ASCC3: variants seen among roughly 807,000 people sequenced by gnomAD.
The protein encoded by ASCC3 is activating signal cointegrator 1 complex subunit 3.
ASCC3 carries 158 observed loss-of-function variants against 256.3 expected under a neutral mutation model. That is an observed-to-expected ratio of 0.62 (90% CI 0.54 to 0.70). ASCC3 has a LOEUF of 0.70. ASCC3 is among the 30% of genes least tolerant of loss of function. The pLI is 0.00. For synonymous variants in ASCC3, 948 were observed against 883.4 expected (o/e 1.07, Z -1.30); for missense variants, 2,259 against 2,626.0 (o/e 0.86, Z 3.05).
rs978557564 is a variant in ASCC3 at position 100,851,613 on chromosome 6, C to T, written c.242-2906G>A. On this transcript the variant is annotated intron_variant, in intron 3 of 41. Transcript: ENST00000369162. ...TCTATAATTTCAAAAATCACAAATACTTAAAAAAATTTAAACCTTGCTGGG... is the reference window on the plus strand; with the variant it reads ...TCTATAATTTCAAAAATCACAAATATTTAAAAAAATTTAAACCTTGCTGGG... Among the ~76,000 whole-genome samples, 3 of 152,106 alleles carry T rather than the reference C, an allele frequency of 2.0e-5. No homozygotes were observed. In the East Asian group the frequency reaches 5.8e-4, roughly 29 times the overall value.
chr6:100,676,718 A>G (rs1777027421), intron 14 of ASCC3, among the ~76,000 whole-genome samples: 1 of 151,732 alleles, frequency 6.6e-6, no homozygotes, highest in South Asian at 2.1e-4. Flanking sequence ...TAGCCTTATT[A>G]CAAGCAAATG....
chr6:100,608,080 G>GTATATATCGATATACACATATATATGTA (rs1554200725), intron 30 of ASCC3, among the ~76,000 whole-genome samples: 1 of 84,868 alleles, frequency 1.2e-5, no homozygotes, highest in Non-Finnish European at 2.2e-5. Context: ...ACATATATAT[G>GTATATATCGATATACACATATATATGTA]TATATATATC....
intron 15 of ASCC3, 93 bp downstream of exon 15, chr6:100,662,252 A>G (rs1425656652): frequency 3.0e-6 from 4 of 1,331,356 alleles, no homozygotes; most frequent in Admixed American, 4.9e-5. Context: ...TCAAGGAAAC[A>G]GCCAAATCAC....
At chr6:100,880,839 T>A (rs1473191259) in intron 1 of ASCC3, among the ~76,000 whole-genome samples, 1 of 152,204 alleles carries the variant, frequency 6.6e-6, no homozygotes. Flanking sequence ...AAGTTTTCTA[T>A]CCCCAACCCC....
chr6:100,567,708 G>A (rs1770341539), intron 36 of ASCC3, among the ~76,000 whole-genome samples: 1 of 152,134 alleles, frequency 6.6e-6, no homozygotes, highest in Admixed American at 6.6e-5. Flanking sequence ...CTGCATCCAT[G>A]TTGTTGCAAA....
At position 100,674,563 on chromosome 6, in the gene ASCC3, A is replaced by G. The variant is rs1456699346; in HGVS notation, c.2286+5055T>C. 3.3e-5 allele frequency among the ~76,000 whole-genome samples: 5 copies of G among 151,524 alleles called. No homozygotes were observed. In the East Asian group the frequency reaches 9.7e-4, roughly 29 times the overall value. ...GTTATCTTCTTTCTCTTCAAAACTC[A>G]TGGGTAAACATTTACAGAATATCTA... is the stretch of plus-strand genomic sequence containing the variant. On this transcript the variant is annotated intron_variant, in intron 14 of 41. Transcript: ENST00000369162.
At position 100,589,918 on chromosome 6, in the gene ASCC3, T is replaced by C. The variant is rs756412285; in HGVS notation, c.5415+30A>G. ...CCTGTCAAAAAGCTGGGCAATCTTT[T>C]CAATTAGAATGCATATGACTAAGTC... is the stretch of plus-strand genomic sequence containing the variant. On this transcript the variant is annotated intron_variant, in intron 35 of 41. Coordinates refer to ENST00000369162, the MANE Select transcript of ASCC3 (RefSeq NM_006828.4). 3.8e-6 allele frequency: 6 copies of C among 1,598,964 alleles called. 1 individual carries two copies. The South Asian group carries it at 6.6e-5, about 18-fold the overall frequency.
intron 3 of ASCC3, 122 bp from the exon 4 acceptor site, chr6:100,848,829 C>T: frequency 1.0e-6 from 1 of 959,268 alleles, no homozygotes; most frequent in East Asian, 2.6e-5. Context: ...TAGCAATAGA[C>T]CAGGTGTAAT....
In ASCC3 at chr6:100,664,679, A is replaced by G. The variant is rs896844291; in HGVS notation, c.2287-2143T>C. ...CTTGGATCTCATTGCCTCAGCTTTC[A>G]TCTTTTCAGACAAGCAATATTGTTA... On this transcript the variant is annotated intron_variant, in intron 14 of 41. Coordinates refer to ENST00000369162, the MANE Select transcript of ASCC3 (RefSeq NM_006828.4). Among the ~76,000 whole-genome samples, 9 of 152,280 alleles carry G rather than the reference A, an allele frequency of 5.9e-5. No homozygotes were observed. The East Asian group carries it at 1.2e-3, about 20-fold the overall frequency.
intron 36 of ASCC3, among the ~76,000 whole-genome samples, chr6:100,585,194 C>T (rs1210570422): frequency 3.9e-5 from 6 of 152,208 alleles, no homozygotes; most frequent in Admixed American, 1.3e-4. Context: ...TGGTTCCATT[C>T]TCCCCGTCAT....
At chr6:100,729,663 T>G (rs1414667496) in intron 10 of ASCC3, among the ~76,000 whole-genome samples, 1 of 152,226 alleles carries the variant, frequency 6.6e-6, no homozygotes, top group African/African-American at 2.4e-5. Context: ...GATATCATAT[T>G]GAATTTTAAA....
intron 30 of ASCC3, among the ~76,000 whole-genome samples, chr6:100,613,350 C>T (rs2114830151): frequency 6.6e-6 from 1 of 152,026 alleles, no homozygotes; most frequent in South Asian, 2.1e-4. Context: ...GGTACATAGT[C>T]ACATGTATAC....
At chr6:100,632,245 C>A (rs148543021) in intron 25 of ASCC3, among the ~76,000 whole-genome samples, 17 of 141,298 alleles carry the variant, frequency 1.2e-4, no homozygotes, top group African/African-American at 4.4e-4. Context: ...GAATAAAGTA[C>A]TTAGGAATAA....
chr6:100,663,520 A>G (rs1458015389), intron 14 of ASCC3, among the ~76,000 whole-genome samples: 1 of 152,042 alleles, frequency 6.6e-6, no homozygotes, highest in Non-Finnish European at 1.5e-5. Context: ...AGTGTTTGCA[A>G]GTCACCCTTA....
intron 37 of ASCC3, among the ~76,000 whole-genome samples, chr6:100,521,187 T>C (rs1451841221): frequency 2.6e-5 from 4 of 152,116 alleles, no homozygotes; most frequent in Non-Finnish European, 5.9e-5. Context: ...TCCCCCCTTA[T>C]CTGTAGGGAA....
intron 1 of ASCC3, among the ~76,000 whole-genome samples, chr6:100,876,599 A>G (rs147778844): frequency 0.011 from 1,720 of 152,342 alleles, 36 homozygotes; most frequent in African/African-American, 0.04. Context: ...ATTCATAGTT[A>G]AAATTTCTGG....
chr6:100,835,553 G>C (rs1341679190), intron 4 of ASCC3, among the ~76,000 whole-genome samples: 2 of 151,928 alleles, frequency 1.3e-5, no homozygotes, highest in Non-Finnish European at 1.5e-5. Flanking sequence ...TGTCTTCTTG[G>C]GACATTTGTC....
intron 1 of ASCC3, among the ~76,000 whole-genome samples, chr6:100,869,682 A>G (rs1773641936): frequency 6.6e-6 from 1 of 152,326 alleles, no homozygotes; most frequent in African/African-American, 2.4e-5. Flanking sequence ...ATATATCAAT[A>G]ATCATAATAA....
rs144824238 is a variant in ASCC3 at position 100,867,731 on chromosome 6, C to T, written c.90+177G>A. On this transcript the variant is annotated intron_variant, in intron 2 of 41. Transcript: ENST00000369162. Reference sequence around the variant, plus strand: ...CCCCTTGACAATATGGTTTTAGATGCTAAACGTAAGTATTACCATAGTAAA... The same window carrying T: ...CCCCTTGACAATATGGTTTTAGATGTTAAACGTAAGTATTACCATAGTAAA... Among the ~76,000 whole-genome samples, 35 of 152,242 alleles carry T rather than the reference C, an allele frequency of 2.3e-4. No homozygotes were observed. In the East Asian group the frequency reaches 6.4e-3, roughly 28 times the overall value.
Sources: allele counts gnomAD v4.1 joint callset (sites outside exome capture counted in the v4.1 genomes callset), GRCh38; gene constraint gnomAD v4.1.1; transcripts MANE v1.5; gene names NCBI Gene and HGNC (gene_info 2026-07-23, HGNC 2026-07-21).